The following EP300 variants were observed in gnomAD, a reference collection of about 807,000 sequenced individuals.
EP300 encodes histone acetyltransferase p300.
EP300 carries 31 observed loss-of-function variants against 264.0 expected under a neutral mutation model. That is an observed-to-expected ratio of 0.12 (90% CI 0.09 to 0.16). The LOEUF is 0.16. Among genes scored for constraint, EP300 ranks in the 10% least tolerant of loss-of-function variants. The probability of loss-of-function intolerance (pLI) is 1.00; values close to 1 mark genes in which losing one functional copy is unlikely to be tolerated. For synonymous variants in EP300, 1,340 were observed against 1,045.4 expected, an observed-to-expected ratio of 1.28 and a Z score of -5.44; for missense variants, 2,766 against 3,052.9, an observed-to-expected ratio of 0.91 and a Z score of 2.21.
At chr22:41,096,771 C>T (rs2058704889) in intron 1 of EP300, among the ~76,000 whole-genome samples, 1 of 152,030 alleles carries the variant, frequency 6.6e-6, no homozygotes, top group Admixed American at 6.6e-5. Context: ...GTGTCCACAA[C>T]CATGCCCAGC....
chr22:41,129,213 G>A (rs1466833632), intron 4 of EP300, among the ~76,000 whole-genome samples: 1 of 151,722 alleles, frequency 6.6e-6, no homozygotes, highest in Admixed American at 6.6e-5. Flanking sequence ...GGGTTTCACT[G>A]TGTTAGCCAG....
intron 1 of EP300, among the ~76,000 whole-genome samples, chr22:41,098,965 C>T (rs2058716596): frequency 6.6e-6 from 1 of 152,136 alleles, no homozygotes; most frequent in African/African-American, 2.4e-5. Flanking sequence ...ATGCTTAGGA[C>T]TATGCTTGCT....
chr22:41,160,431 CAAAA>C (rs537593150), intron 19 of EP300: 12 of 362,814 alleles, frequency 3.3e-5, no homozygotes, highest in South Asian at 1.5e-4. Context: ...AAAAAAAAAA[CAAAA>C]AAAAACAAAA....
intron 1 of EP300, among the ~76,000 whole-genome samples, chr22:41,110,117 G>GCCCCCCCCCC (rs60023863): frequency 1.5e-5 from 1 of 65,514 alleles, no homozygotes; most frequent in Non-Finnish European, 2.8e-5. Flanking sequence ...CCTGTTCCCT[G>GCCCCCCCCCC]CCCCCCCCCC....
At chr22:41,095,593 A>T (rs2058697928) in intron 1 of EP300, among the ~76,000 whole-genome samples, 1 of 151,804 alleles carries the variant, frequency 6.6e-6, no homozygotes, top group Non-Finnish European at 1.5e-5. Context: ...GTTTGCAGGT[A>T]ACTTTTATTG....
In EP300 at chr22:41,178,942, C is replaced by T. The variant is rs976178904; in HGVS notation, c.7231C>T (p.Leu2411=). The T allele has an allele frequency of 1.2e-6, 2 of 1,613,754 alleles. No homozygotes were observed. The highest frequency in any genetic ancestry group is 1.7e-6 in the Non-Finnish European group (2 of 1,179,972). Residue 2411 remains leucine (L), a synonymous_variant, in exon 31 of 31, where the codon CTA becomes TTA. Coordinates refer to ENST00000263253, the MANE Select transcript of EP300 (RefSeq NM_001429.4). The part of the protein sequence containing the change: ...DLNSNLSQST[L]DIH ...GAATTCAAACCTCTCACAGAGTACA[C>T]TAGACATACACTAGAGACACCTTGT...
chr22:41,176,029 G>A, intron 29 of EP300: 1 of 582,298 alleles, frequency 1.7e-6, no homozygotes, highest in Non-Finnish European at 3.0e-6. Context: ...AGACCAGCCT[G>A]GGCAACATGG....
chr22:41,179,078 G>A lies in EP300; in HGVS notation c.*122G>A. 1 of 1,139,196 alleles carries A rather than the reference G, an allele frequency of 8.8e-7. No homozygotes were observed. Among genetic ancestry groups the A allele is most frequent in the South Asian group, 1.4e-5 (1 of 71,662 alleles). 70.6% of individuals were successfully genotyped at this position (1,139,196 alleles called of 1,614,324 possible). On this transcript the variant is annotated 3_prime_UTR_variant, in exon 31 of 31. Transcript: ENST00000263253. Reference sequence around the variant, plus strand: ...AGACAATTTTCCTTGGAACACATAAGAACTGTGCAGTAGCCGTTTGTGGTT... The same window carrying A: ...AGACAATTTTCCTTGGAACACATAAAAACTGTGCAGTAGCCGTTTGTGGTT...
intron 1 of EP300, among the ~76,000 whole-genome samples, chr22:41,110,230 C>G (rs1022714634): frequency 2.8e-5 from 4 of 142,944 alleles, no homozygotes; most frequent in African/African-American, 1.0e-4. Context: ...TGGGCTCAAG[C>G]AGGCCCTTTG....
At chr22:41,095,553 T>C (rs1460480879) in intron 1 of EP300, among the ~76,000 whole-genome samples, 1 of 152,066 alleles carries the variant, frequency 6.6e-6, no homozygotes, top group African/African-American at 2.4e-5. Context: ...CTTGAATTTT[T>C]TTTTTTTGAC....
chr22:41,178,427 T>G lies in EP300; in HGVS notation c.6716T>G (p.Met2239Arg), dbSNP rs775274711. The G allele has an allele frequency of 1.2e-6, 2 of 1,613,932 alleles. No homozygotes were observed. Among genetic ancestry groups the G allele is most frequent in the Non-Finnish European group, 1.7e-6 (2 of 1,180,004 alleles). Residue 2239 changes from methionine (M) to arginine (R), a missense_variant, in exon 31 of 31, where the codon ATG becomes AGG. Transcript: ENST00000263253. ...HHMQQMQQGN[M>R]GQIGQLPQAL... ...ATGCAACAGATGCAACAAGGAAATA[T>G]GGGACAGATAGGCCAGCTTCCCCAG...
rs1259603610 is a variant in EP300 at position 41,178,257 on chromosome 22, C to T, written c.6546C>T (p.Ile2182=). The T allele has an allele frequency of 2.5e-6, 4 of 1,613,996 alleles. No homozygotes were observed. The East Asian group carries it at 6.7e-5, about 27-fold the overall frequency. The change falls in exon 31 of 31, where the codon ATC becomes ATT. Residue 2182 remains isoleucine, a synonymous_variant. Transcript: ENST00000263253. Reference sequence around the variant, plus strand: ...CCATGCCTTCACAATTCCGAGACATCTTGAGACGACAGCAAATGATGCAAC... The same window carrying T: ...CCATGCCTTCACAATTCCGAGACATTTTGAGACGACAGCAAATGATGCAAC... ...HNTMPSQFRD[I]LRRQQMMQQQ...
rs1379274191 is a variant in EP300, at chr22:41,176,434, T to C, written c.4967T>C (p.Val1656Ala). The C allele has an allele frequency of 3.7e-6, 6 of 1,614,230 alleles. No individual in the cohort carries two copies. The East Asian group carries it at 1.3e-4, about 36-fold the overall frequency. ...CAGTGGTCCACCATGTGCATGCTGG[T>C]GGAGCTGCACACGCAGAGCCAGGAC... ...RAQWSTMCML[V>A]ELHTQSQDRF... The change falls in exon 30 of 31, where the codon GTG becomes GCG. Residue 1656 changes from valine to alanine, a missense_variant. Physicochemically the swap from Val to Ala is moderately conservative, Grantham distance 64. Transcript: ENST00000263253.
intron 27 of EP300, among the ~76,000 whole-genome samples, chr22:41,170,922 C>G (rs2059166896): frequency 6.7e-6 from 1 of 150,062 alleles, no homozygotes; most frequent in South Asian, 2.1e-4. Context: ...CTTGGCCTCC[C>G]AAAGTGCTGG....
At chr22:41,116,135 A>T (rs1376695774) in intron 1 of EP300, among the ~76,000 whole-genome samples, 5 of 152,170 alleles carry the variant, frequency 3.3e-5, no homozygotes, top group Non-Finnish European at 7.3e-5. Flanking sequence ...TCATGTAATA[A>T]TGGGTGTTGC....
chr22:41,168,341 A>T, intron 23 of EP300, 108 bp from the exon 24 acceptor site: 1 of 1,364,670 alleles, frequency 7.3e-7, no homozygotes, highest in Non-Finnish European at 1.0e-6. Flanking sequence ...AATTTCACCA[A>T]GTTATCCTGT....
intron 19 of EP300, chr22:41,160,418 G>GT: frequency 2.4e-6 from 1 of 416,848 alleles, no homozygotes; most frequent in Non-Finnish European, 4.3e-6. Context: ...GGCTTTGATT[G>GT]CAAAAAAAAA....
intron 14 of EP300, among the ~76,000 whole-genome samples, chr22:41,150,849 C>T (rs954114847): frequency 2.0e-5 from 3 of 151,208 alleles, no homozygotes; most frequent in Non-Finnish European, 4.4e-5. Context: ...CGAGATTGCG[C>T]CACTGCACTC....
chr22:41,175,950 C>A, intron 29 of EP300: 1 of 431,292 alleles, frequency 2.3e-6, no homozygotes. Flanking sequence ...CCTGCTGTAC[C>A]TGCTCACACC....
Sources: gnomAD v4.1 joint callset for allele counts (sites outside exome capture counted in the v4.1 genomes callset) on GRCh38, gnomAD v4.1.1 for gene constraint, MANE v1.5 for transcripts, NCBI Gene and HGNC (gene_info 2026-07-23, HGNC 2026-07-21) for gene names.